EXOC6B: variants seen among roughly 807,000 people sequenced by gnomAD.
The protein encoded by EXOC6B is SEC15 homolog B.
A neutral mutation model predicts 113.5 loss-of-function variants in EXOC6B; 54 were observed. The ratio of observed to expected loss-of-function variants is 0.48; its 90% CI spans 0.38 to 0.60. The LOEUF is 0.60. Among genes scored for constraint, EXOC6B ranks in the 20% least tolerant of loss-of-function variants. The pLI is 0.00. For missense variants in EXOC6B, 797 were observed against 977.5 expected (o/e 0.82, Z 2.46); for synonymous variants, 357 against 339.0 (o/e 1.05, Z -0.58).
At position 72,204,553 on chromosome 2, in the gene EXOC6B, G is replaced by GA. The variant is rs749675848; in HGVS notation, c.2197-20367dup. Among the ~76,000 whole-genome samples the GA allele has an allele frequency of 5.4e-4, 55 of 101,588 alleles. 2 individuals carry two copies. Among genetic ancestry groups the GA allele is most frequent in the Middle Eastern group, 9.4e-3 (2 of 212 alleles). 66.6% of individuals were successfully genotyped at this position (101,588 alleles called of 152,430 possible). On this transcript the variant is annotated intron_variant, in intron 20 of 21. Transcript: ENST00000272427. ...ATTAAAGGGGAGAAGACCAGAAGAA[G>GA]AAAAAAAAAAAAGCAGGTGACCTCC...
chr2:72,689,028 A>C (rs946113225), intron 6 of EXOC6B, among the ~76,000 whole-genome samples: 2 of 152,254 alleles, frequency 1.3e-5, no homozygotes, highest in African/African-American at 4.8e-5. Flanking sequence ...TTGAGGTAAA[A>C]ATAAAAACTA....
At chr2:72,330,194 C>T (rs1157106951) in intron 20 of EXOC6B, among the ~76,000 whole-genome samples, 3 of 152,030 alleles carry the variant, frequency 2.0e-5, no homozygotes, top group African/African-American at 7.2e-5. Flanking sequence ...TTTGACCAAA[C>T]ATGGAAGGTA....
At chr2:72,344,755 T>A (rs1280611297) in intron 19 of EXOC6B, among the ~76,000 whole-genome samples, 1 of 152,014 alleles carries the variant, frequency 6.6e-6, no homozygotes, top group Non-Finnish European at 1.5e-5. Context: ...ATTATGCAGT[T>A]GCTTTTGAAT....
chr2:72,641,304 C>T (rs1349083289), intron 6 of EXOC6B, among the ~76,000 whole-genome samples: 1 of 152,240 alleles, frequency 6.6e-6, no homozygotes, highest in Non-Finnish European at 1.5e-5. Context: ...TTTCCCTTTC[C>T]TAGCCAAGGG....
At chr2:72,450,854 G>A (rs748021259) in intron 18 of EXOC6B, among the ~76,000 whole-genome samples, 88 of 152,166 alleles carry the variant, frequency 5.8e-4, no homozygotes, top group Non-Finnish European at 1.0e-3. Flanking sequence ...TACTATTGAA[G>A]CCATAAACCT....
intron 18 of EXOC6B, among the ~76,000 whole-genome samples, chr2:72,394,077 T>C (rs1009308489): frequency 7.2e-4 from 109 of 152,194 alleles, no homozygotes; most frequent in African/African-American, 2.6e-3. Context: ...ATAAATCTTA[T>C]GTAGCATTTT....
intron 19 of EXOC6B, among the ~76,000 whole-genome samples, chr2:72,370,967 G>A (rs1467938375): frequency 1.3e-5 from 2 of 151,680 alleles, no homozygotes; most frequent in Non-Finnish European, 2.9e-5. Context: ...CCTGCACATT[G>A]TGCACATGTA....
chr2:72,335,094 G>A, intron 19 of EXOC6B, 74 bp from the exon 20 acceptor site: 1 of 1,363,108 alleles, frequency 7.3e-7, no homozygotes, highest in Non-Finnish European at 1.0e-6. Context: ...CGGATGACAG[G>A]GAAGACAAGA....
chr2:72,316,534 A>AAATGATG (rs1687524259), intron 20 of EXOC6B, among the ~76,000 whole-genome samples: 1 of 152,202 alleles, frequency 6.6e-6, no homozygotes, highest in African/African-American at 2.4e-5. Flanking sequence ...AGTAGGAGGA[A>AAATGATG]AATGATGAAT....
At chr2:72,611,020 AAGC>A (rs913030989) in intron 6 of EXOC6B, among the ~76,000 whole-genome samples, 1 of 152,072 alleles carries the variant, frequency 6.6e-6, no homozygotes, top group Non-Finnish European at 1.5e-5. Context: ...ATAATAAGAA[AAGC>A]ACCAGATAAA....
At chr2:72,507,196 G>C (rs1162710780) in intron 11 of EXOC6B, among the ~76,000 whole-genome samples, 1 of 152,014 alleles carries the variant, frequency 6.6e-6, no homozygotes, top group African/African-American at 2.4e-5. Context: ...TAGTCACATA[G>C]CCAGAGTGTT....
chr2:72,302,324 G>C (rs906269537), intron 20 of EXOC6B, among the ~76,000 whole-genome samples: 1 of 152,100 alleles, frequency 6.6e-6, no homozygotes, highest in African/African-American at 2.4e-5. Context: ...TGTTGTTTTC[G>C]GGGGGAGAAT....
chr2:72,507,445 T>C (rs1342953265), intron 11 of EXOC6B, among the ~76,000 whole-genome samples: 1 of 152,128 alleles, frequency 6.6e-6, no homozygotes, highest in Non-Finnish European at 1.5e-5. Context: ...TTGAATAGTT[T>C]TTAATTGTTT....
chr2:72,675,529 A>G (rs1485671624), intron 6 of EXOC6B, among the ~76,000 whole-genome samples: 2 of 152,238 alleles, frequency 1.3e-5, no homozygotes, highest in Non-Finnish European at 2.9e-5. Context: ...ACCATGGCAC[A>G]TGCCTATAAT....
At chr2:72,604,857 C>T (rs920019828) in intron 6 of EXOC6B, among the ~76,000 whole-genome samples, 3 of 152,090 alleles carry the variant, frequency 2.0e-5, no homozygotes, top group African/African-American at 7.2e-5. Flanking sequence ...CCATTACTGA[C>T]AATTAAACAA....
intron 20 of EXOC6B, among the ~76,000 whole-genome samples, chr2:72,283,109 T>A (rs1401450029): frequency 6.6e-6 from 1 of 152,170 alleles, no homozygotes; most frequent in African/African-American, 2.4e-5. Flanking sequence ...GAAAACATCT[T>A]TTAAAGGACA....
rs553842800 is a variant in EXOC6B at position 72,228,827 on chromosome 2, T to C, written c.2197-44640A>G. Among the ~76,000 whole-genome samples, 816 of 152,278 alleles carry C rather than the reference T, an allele frequency of 5.4e-3. 7 individuals carry two copies. The highest frequency in any genetic ancestry group is 0.019 in the African/African-American group (792 of 41,550). ...AATGGTATTTCTAGTTCTAGATCCCTGAGGAATCGCCACACTGACTTCCAC... is the reference window on the plus strand; with the variant it reads ...AATGGTATTTCTAGTTCTAGATCCCCGAGGAATCGCCACACTGACTTCCAC... On this transcript the variant is annotated intron_variant, in intron 20 of 21. Transcript: ENST00000272427.
chr2:72,198,698 G>A (rs2104321122), intron 20 of EXOC6B, among the ~76,000 whole-genome samples: 1 of 152,240 alleles, frequency 6.6e-6, no homozygotes, highest in African/African-American at 2.4e-5. Flanking sequence ...TATGCCAAGA[G>A]CTCAGGTCTG....
intron 1 of EXOC6B, among the ~76,000 whole-genome samples, chr2:72,791,690 T>C (rs902597726): frequency 1.3e-5 from 2 of 152,218 alleles, no homozygotes; most frequent in South Asian, 4.1e-4. Context: ...AGCTGGGAAG[T>C]AGTCAATACC....
Sources: allele counts gnomAD v4.1 joint callset (sites outside exome capture counted in the v4.1 genomes callset), GRCh38; gene constraint gnomAD v4.1.1; transcripts MANE v1.5; gene names NCBI Gene and HGNC (gene_info 2026-07-23, HGNC 2026-07-21).